The following NRTN variants were observed in gnomAD, a reference collection of about 807,000 sequenced individuals.
NRTN encodes the protein prepro-neurturin.
In NRTN, 3 loss-of-function variants were observed where a neutral mutation model predicts 7.5. That is an observed-to-expected ratio of 0.40 (90% CI 0.18 to 1.03). NRTN has a LOEUF of 1.03. NRTN is among the 50% of genes least tolerant of loss of function. NRTN has a pLI of 0.34. For synonymous variants in NRTN, 157 were observed against 146.6 expected (o/e 1.07, Z -0.51); for missense variants, 310 against 307.0 (o/e 1.01, Z -0.07).
chr19:5,808,567 G>C (rs1170030263), intron 1 of NRTN, among the ~76,000 whole-genome samples: 1 of 152,142 alleles, frequency 6.6e-6, no homozygotes, highest in African/African-American at 2.4e-5. Context: ...GTGCCGGTGG[G>C]GGACTGCGGG....
chr19:5,828,296 C>T lies in NRTN; in HGVS notation c.*123C>T. 1 of 1,125,724 alleles carries T rather than the reference C, an allele frequency of 8.9e-7. No homozygotes were observed. The highest frequency in any genetic ancestry group is 1.2e-6 in the Non-Finnish European group (1 of 821,618). 69.7% of individuals were successfully genotyped at this position (1,125,724 alleles called of 1,614,324 possible). A position where few individuals can be genotyped will look rare whatever the true frequency, so the allele number is the denominator to read the frequency against. On this transcript the variant is annotated 3_prime_UTR_variant, in exon 3 of 3. Coordinates refer to ENST00000303212, the MANE Select transcript of NRTN (RefSeq NM_004558.5). Reference sequence around the variant, plus strand: ...CGCGGCCCCGGGACTCTCGCGATAACTGTACTGAGATAAAGTGTGGCAACT... The same window carrying T: ...CGCGGCCCCGGGACTCTCGCGATAATTGTACTGAGATAAAGTGTGGCAACT...
intron 1 of NRTN, among the ~76,000 whole-genome samples, chr19:5,820,304 C>T (rs1366582367): frequency 4.2e-5 from 6 of 143,436 alleles, no homozygotes; most frequent in African/African-American, 1.4e-4. Context: ...CGGTGGCTCA[C>T]GCCTGTAATC....
At chr19:5,816,126 TC>T (rs1041297800) in intron 1 of NRTN, among the ~76,000 whole-genome samples, 48 of 150,154 alleles carry the variant, frequency 3.2e-4, no homozygotes, top group African/African-American at 1.2e-3. Context: ...GTCTCGAACT[TC>T]CAGGCTCAGG....
intron 1 of NRTN, among the ~76,000 whole-genome samples, chr19:5,813,606 G>A (rs545547901): frequency 1.3e-4 from 20 of 150,272 alleles, no homozygotes; most frequent in African/African-American, 3.7e-4. Context: ...CCTGGGAGGC[G>A]GAGGTTGCAG....
intron 1 of NRTN, among the ~76,000 whole-genome samples, chr19:5,808,818 C>T (rs1476601277): frequency 4.7e-5 from 7 of 147,568 alleles, no homozygotes; most frequent in South Asian, 2.1e-4. Flanking sequence ...TGCAGTGGTG[C>T]GATCTCGGCT....
chr19:5,808,260 C>T (rs2056979777), intron 1 of NRTN, among the ~76,000 whole-genome samples: 1 of 152,208 alleles, frequency 6.6e-6, no homozygotes, highest in Non-Finnish European at 1.5e-5. Context: ...ACCCATGTCG[C>T]TCAAGCCACC....
chr19:5,820,359 G>C (rs1339179382), intron 1 of NRTN, among the ~76,000 whole-genome samples: 9 of 148,372 alleles, frequency 6.1e-5, no homozygotes, highest in Non-Finnish European at 1.2e-4. Context: ...AAGGTGAGGA[G>C]ATCAAGACCA....
At position 5,808,239 on chromosome 19, in the gene NRTN, G is replaced by A. The variant is rs543256470; in HGVS notation, c.-399+2788G>A. ...GCCAGCATCTTGTGGTGTCCTGGCC[G>A]CTCCCGGAGGACCCATGTCGCTCAA... On this transcript the variant is annotated intron_variant, in intron 1 of 2. Coordinates refer to ENST00000303212, the MANE Select transcript of NRTN (RefSeq NM_004558.5). 4.6e-5 allele frequency among the ~76,000 whole-genome samples: 7 copies of A among 152,216 alleles called. No individual in the cohort carries two copies. The East Asian group carries it at 1.2e-3, about 25-fold the overall frequency.
At chr19:5,813,206 C>G (rs8099955) in intron 1 of NRTN, among the ~76,000 whole-genome samples, 1 of 150,848 alleles carries the variant, frequency 6.6e-6, no homozygotes, top group Non-Finnish European at 1.5e-5. Context: ...GAGACTTTGT[C>G]TCTATTAAAA....
At chr19:5,823,155 GCCTGTAATC>G (rs2057032262) in intron 1 of NRTN, among the ~76,000 whole-genome samples, 1 of 152,168 alleles carries the variant, frequency 6.6e-6, no homozygotes, top group Admixed American at 6.5e-5. Context: ...GGTGGCTCAT[GCCTGTAATC>G]CCAGCACTTT....
chr19:5,819,958 G>A (rs1204741323), intron 1 of NRTN, among the ~76,000 whole-genome samples: 1 of 152,018 alleles, frequency 6.6e-6, no homozygotes, highest in Non-Finnish European at 1.5e-5. Context: ...CATAAAGTAG[G>A]TGATCATTAA....
rs970079952 is a variant in NRTN, at chr19:5,805,234, A to G, written c.-616A>G. Among the ~76,000 whole-genome samples the G allele has an allele frequency of 5.5e-5, 8 of 145,758 alleles. No individual in the cohort carries two copies. The highest frequency in any genetic ancestry group is 1.2e-4 in the Non-Finnish European group (8 of 65,672). Reference sequence around the variant, plus strand: ...GTCCAGGGCACCCACCCCCAGCCCCAGCCCCCGCCGGCCCGGGATGGCCGC... The same window carrying G: ...GTCCAGGGCACCCACCCCCAGCCCCGGCCCCCGCCGGCCCGGGATGGCCGC... On this transcript the variant is annotated 5_prime_UTR_variant, in exon 1 of 3. Transcript: ENST00000303212.
chr19:5,811,692 CCGG>C (rs2056990954), intron 1 of NRTN, among the ~76,000 whole-genome samples: 1 of 150,058 alleles, frequency 6.7e-6, no homozygotes, highest in Non-Finnish European at 1.5e-5. Flanking sequence ...ACCACCACAC[CCGG>C]CTAATTTGTT....
chr19:5,810,167 C>T (rs1444498192), intron 1 of NRTN, among the ~76,000 whole-genome samples: 7 of 148,970 alleles, frequency 4.7e-5, no homozygotes, highest in African/African-American at 7.5e-5. Flanking sequence ...CTCGGGAGGC[C>T]GAGGCAGGAG....
intron 1 of NRTN, among the ~76,000 whole-genome samples, chr19:5,814,137 C>T (rs1446470288): frequency 2.0e-5 from 3 of 152,154 alleles, no homozygotes; most frequent in Non-Finnish European, 2.9e-5. Flanking sequence ...CTGCAGCAAG[C>T]TCACCCCTCT....
At chr19:5,810,794 T>C (rs2056988147) in intron 1 of NRTN, among the ~76,000 whole-genome samples, 1 of 150,696 alleles carries the variant, frequency 6.6e-6, no homozygotes, top group South Asian at 2.1e-4. Context: ...CTGGACATGG[T>C]GGCTCGTGCC....
chr19:5,827,875 G>A lies in NRTN; in HGVS notation c.296G>A (p.Gly99Glu). ...CGGCGGCGCGCGCGTGCGCGGTTGG[G>A]GGCGCGGCCTTGCGGGCTGCGCGAG... Reference protein sequence around the residue: ...PRRRRARARLGARPCGLRELE... With the variant: ...PRRRRARARLEARPCGLRELE... The change falls in exon 3 of 3, where the codon GGG becomes GAG. Residue 99 changes from glycine to glutamate, a missense_variant. Gly to Glu is a moderately conservative substitution (Grantham distance 98). Transcript: ENST00000303212. The A allele has an allele frequency of 1.5e-6, 2 of 1,297,996 alleles. No individual in the cohort carries two copies. The highest frequency in any genetic ancestry group is 2.0e-6 in the Non-Finnish European group (2 of 1,020,646). The allele number at this position is 1,297,996 out of a possible 1,614,324, so 80.4% of individuals were successfully genotyped here. A position where few individuals can be genotyped will look rare whatever the true frequency, so the allele number is the denominator to read the frequency against.
intron 2 of NRTN, among the ~76,000 whole-genome samples, chr19:5,825,426 C>A (rs1211704558): frequency 2.0e-5 from 3 of 152,202 alleles, no homozygotes; most frequent in African/African-American, 4.8e-5. Flanking sequence ...ATGTGCGCGT[C>A]TGCGCCCGCC....
At position 5,819,533 on chromosome 19, in the gene NRTN, C is replaced by T. The variant is rs1370229444; in HGVS notation, c.-398-4235C>T. 1.2e-4 allele frequency among the ~76,000 whole-genome samples: 18 copies of T among 152,202 alleles called. 1 individual carries two copies. The South Asian group carries it at 2.1e-3, about 18-fold the overall frequency. On this transcript the variant is annotated intron_variant, in intron 1 of 2. Transcript: ENST00000303212. ...AAAAAATTAGCCAGGCGTGGTGGCA[C>T]ATGCCTGTAGTCCCAGCTACTTGGG...
Sources: allele counts gnomAD v4.1 joint callset (sites outside exome capture counted in the v4.1 genomes callset), GRCh38; gene constraint gnomAD v4.1.1; transcripts MANE v1.5; gene names NCBI Gene and HGNC (gene_info 2026-07-23, HGNC 2026-07-21).